Variants in PDE10A observed in about 807,000 individuals in gnomAD.
The protein encoded by PDE10A is phosphodiesterase 10A.
A neutral mutation model predicts 97.7 loss-of-function variants in PDE10A; 39 were observed. That is an observed-to-expected ratio of 0.40 (90% CI 0.31 to 0.52). The LOEUF (loss-of-function observed/expected upper bound fraction) is 0.52. Ranked by LOEUF, PDE10A falls within the 20% of genes least tolerant of loss-of-function variation. The pLI is 0.56. For synonymous variants in PDE10A, 371 were observed against 376.8 expected, an observed-to-expected ratio of 0.98 and a Z score of 0.18; for missense variants, 731 against 1,047.8, an observed-to-expected ratio of 0.70 and a Z score of 4.17.
intron 3 of PDE10A, among the ~76,000 whole-genome samples, chr6:165,468,094 T>C (rs756319739): frequency 6.6e-6 from 1 of 152,158 alleles, no homozygotes; most frequent in Non-Finnish European, 1.5e-5. Context: ...TATTTTGTTT[T>C]TTGAGACAGA....
intron 1 of PDE10A, among the ~76,000 whole-genome samples, chr6:165,897,437 G>A (rs1252673469): frequency 6.6e-6 from 1 of 152,118 alleles, no homozygotes; most frequent in Non-Finnish European, 1.5e-5. Flanking sequence ...GGGAGATAGG[G>A]AGGGTCCCAG....
intron 18 of PDE10A, among the ~76,000 whole-genome samples, chr6:165,345,095 T>A (rs369037967): frequency 6.6e-6 from 1 of 152,226 alleles, no homozygotes; most frequent in African/African-American, 2.4e-5. Flanking sequence ...TTACAAATAT[T>A]TCATATGTTT....
intron 1 of PDE10A, among the ~76,000 whole-genome samples, chr6:165,865,359 A>G (rs1426722561): frequency 6.6e-6 from 1 of 152,252 alleles, no homozygotes; most frequent in Non-Finnish European, 1.5e-5. Flanking sequence ...AGATCCAAAT[A>G]TATCAATGTA....
intron 1 of PDE10A, among the ~76,000 whole-genome samples, chr6:165,606,245 T>A (rs1470877054): frequency 6.6e-6 from 1 of 151,358 alleles, no homozygotes; most frequent in Non-Finnish European, 1.5e-5. Context: ...ACAATAACAC[T>A]GAGGAAAGAG....
At chr6:165,526,219 G>C (rs1400669615) in intron 2 of PDE10A, among the ~76,000 whole-genome samples, 1 of 152,142 alleles carries the variant, frequency 6.6e-6, no homozygotes. Flanking sequence ...GTTGATTCCA[G>C]GGGACTCAAA....
chr6:165,607,446 T>C (rs1045250374), intron 1 of PDE10A, among the ~76,000 whole-genome samples: 1 of 152,176 alleles, frequency 6.6e-6, no homozygotes, highest in African/African-American at 2.4e-5. Flanking sequence ...CAGTATTCAG[T>C]ACAGTGACAT....
At chr6:165,762,537 G>C (rs1338954797) in intron 1 of PDE10A, among the ~76,000 whole-genome samples, 2 of 151,156 alleles carry the variant, frequency 1.3e-5, no homozygotes, top group South Asian at 2.1e-4. Flanking sequence ...AGACAAGGTT[G>C]CCAATATTTA....
intron 1 of PDE10A, among the ~76,000 whole-genome samples, chr6:165,727,419 C>A (rs1238127186): frequency 6.6e-6 from 1 of 152,188 alleles, no homozygotes; most frequent in African/African-American, 2.4e-5. Context: ...AGGAGGCTTT[C>A]CAGGAGCCTG....
At chr6:165,546,520 A>C (rs1160261394) in intron 1 of PDE10A, among the ~76,000 whole-genome samples, 3 of 152,128 alleles carry the variant, frequency 2.0e-5, no homozygotes, top group Non-Finnish European at 2.9e-5. Flanking sequence ...CGTATAAAAC[A>C]ACCTCCCTGA....
intron 1 of PDE10A, among the ~76,000 whole-genome samples, chr6:165,973,161 G>A (rs902183167): frequency 6.6e-6 from 1 of 152,218 alleles, no homozygotes; most frequent in African/African-American, 2.4e-5. Context: ...GTTCATGCCT[G>A]TAATCCCAGC....
intron 3 of PDE10A, 68 bp downstream of exon 3, chr6:165,482,247 C>T: frequency 1.9e-6 from 2 of 1,055,970 alleles, no homozygotes; most frequent in Non-Finnish European, 3.0e-6. Context: ...TGTTAGAGTA[C>T]TGAGAGATAA....
At chr6:165,357,728 T>C (rs1044860094) in intron 18 of PDE10A, among the ~76,000 whole-genome samples, 1 of 137,048 alleles carries the variant, frequency 7.3e-6, no homozygotes, top group Non-Finnish European at 1.5e-5. Context: ...ACATTGGCAA[T>C]TGGTGTTAAT....
At chr6:165,472,096 G>A (rs1458714456) in intron 3 of PDE10A, among the ~76,000 whole-genome samples, 2 of 151,944 alleles carry the variant, frequency 1.3e-5, no homozygotes, top group African/African-American at 4.8e-5. Flanking sequence ...ATGTTTGGTG[G>A]AATTACTCAG....
intron 6 of PDE10A, among the ~76,000 whole-genome samples, chr6:165,433,487 G>A (rs139076752): frequency 2.9e-4 from 44 of 152,218 alleles, no homozygotes; most frequent in African/African-American, 8.9e-4. Context: ...GTACAATGCC[G>A]CAGGGAAAAT....
chr6:165,435,370 C>T lies in PDE10A; in HGVS notation c.1202G>A (p.Cys401Tyr), dbSNP rs199680048. The T allele has an allele frequency of 6.2e-7, 1 of 1,613,790 alleles. No individual in the cohort carries two copies. Among genetic ancestry groups the T allele is most frequent in the Middle Eastern group, 1.6e-4 (1 of 6,062 alleles). Residue 401 changes from cysteine to tyrosine, a missense_variant, in exon 6 of 22, where the codon TGT becomes TAT. Physicochemically the swap from Cys to Tyr is radical, Grantham distance 194. Around this residue, in one of 8 missense-constraint regions of PDE10A, gnomAD observed 152 missense variants for 199.3 expected, o/e 0.76. Transcript: ENST00000539869. ...YFLGECNNSL[C>Y]IFTPPGIKEG... is the part of the protein sequence containing the mutation. ...CTTTATCCCAGGTGGCGTGAATATA[C>T]ACAGGCTCTAGGGAGAAGAAAAGAT... is the stretch of plus-strand genomic sequence containing the variant.
At chr6:165,533,823 A>G (rs1782921559) in intron 2 of PDE10A, among the ~76,000 whole-genome samples, 1 of 140,694 alleles carries the variant, frequency 7.1e-6, no homozygotes, top group African/African-American at 2.4e-5. Flanking sequence ...CACTTCAGAA[A>G]TCAATATAGT....
intron 1 of PDE10A, chr6:165,949,725 G>C (rs1436062307): frequency 2.0e-5 from 3 of 152,216 alleles, no homozygotes; most frequent in Admixed American, 2.0e-4. Flanking sequence ...TGAGGTGTCT[G>C]AAAAATGTTT....
At chr6:165,498,720 C>T (rs1170223334) in intron 2 of PDE10A, among the ~76,000 whole-genome samples, 4 of 152,208 alleles carry the variant, frequency 2.6e-5, no homozygotes, top group Admixed American at 1.3e-4. Flanking sequence ...AAGTTGCTGA[C>T]TTAAATTGTC....
At chr6:165,971,008 T>C (rs1004654734) in intron 1 of PDE10A, among the ~76,000 whole-genome samples, 39 of 151,994 alleles carry the variant, frequency 2.6e-4, no homozygotes, top group African/African-American at 8.5e-4. Context: ...ATTAGCTGGG[T>C]GTGGTGGCCT....
Sources: gnomAD v4.1 joint callset for allele counts (sites outside exome capture counted in the v4.1 genomes callset) on GRCh38, gnomAD v4.1.1 for gene constraint, gnomAD v4.1.1 regional missense constraint, MANE v1.5 for transcripts, NCBI Gene and HGNC (gene_info 2026-07-23, HGNC 2026-07-21) for gene names.